Variants in F12 observed in about 807,000 individuals in gnomAD.
F12 encodes the protein Hageman factor.
F12 carries 70 observed loss-of-function variants against 74.8 expected under a neutral mutation model. The ratio of observed to expected loss-of-function variants is 0.94; its 90% confidence interval spans 0.77 to 1.14. The LOEUF (loss-of-function observed/expected upper bound fraction) is 1.14. F12 is among the 50% of genes most tolerant of loss of function. The pLI is 0.00. For missense variants in F12, 811 were observed against 835.7 expected (o/e 0.97, Z 0.36); for synonymous variants, 373 against 356.4 (o/e 1.05, Z -0.52).
rs4976692 is a variant in F12, at chr5:177,406,305, A to G, written c.116-244T>C. Among the ~76,000 whole-genome samples the G allele has an allele frequency of 0.28, 41,761 of 151,782 alleles. 6,063 individuals carry two copies. Among genetic ancestry groups the G allele is most frequent in the East Asian group, 0.49 (2,500 of 5,140 alleles). On this transcript the variant is annotated intron_variant, in intron 2 of 13. Coordinates refer to ENST00000253496, the MANE Select transcript of F12 (RefSeq NM_000505.4). ...AGATCAAGACCATCCTGGCTAATAC[A>G]GTGAAACCCCCTCTCTACTAAAAAT...
At chr5:177,405,845 C>A (rs1348473915) in intron 3 of F12, 40 bp from the exon 4 acceptor site, 1 of 1,607,740 alleles carries the variant, frequency 6.2e-7, no homozygotes, top group African/African-American at 1.3e-5. Flanking sequence ...TACCCAGGGG[C>A]CTGGCCCACC....
intron 8 of F12, 24 bp from the exon 9 acceptor site, chr5:177,404,437 G>T: frequency 6.2e-7 from 1 of 1,606,718 alleles, no homozygotes; most frequent in South Asian, 1.1e-5. Context: ...ACGGGGCGCC[G>T]TTAGAGCGCC....
intron 9 of F12, 35 bp downstream of exon 9, chr5:177,404,161 C>A: frequency 6.4e-7 from 1 of 1,570,046 alleles, no homozygotes. Context: ...GCCCGGCGCC[C>A]TCTCGGCTCC....
chr5:177,406,962 T>C (rs1763309625), intron 2 of F12, among the ~76,000 whole-genome samples: 1 of 152,344 alleles, frequency 6.6e-6, no homozygotes, highest in East Asian at 1.9e-4. Context: ...TTTCACACTT[T>C]GTGCTTTTGC....
chr5:177,403,441 C>G (rs772401083), intron 11 of F12, 40 bp downstream of exon 11: 1 of 1,564,910 alleles, frequency 6.4e-7, no homozygotes, highest in Non-Finnish European at 8.6e-7. Context: ...CGCCGGGGCC[C>G]CAAGCTCTCT....
Position 177,409,087 on chromosome 5 carries a change from G to A in F12, c.74C>T (p.Ala25Val). Residue 25 changes from alanine to valine, a missense_variant, in exon 2 of 14, where the codon GCC (alanine) becomes GTC (valine). By Grantham distance (64) the Ala-to-Val change is moderately conservative (BLOSUM62 0). Transcript: ENST00000253496. Reference sequence around the variant, plus strand: ...AGCTTTGTACTTATGCTCCTTGGGGGCTTCCCAAGGTGGAATCTACAAGGG... The same window carrying A: ...AGCTTTGTACTTATGCTCCTTGGGGACTTCCCAAGGTGGAATCTACAAGGG... ...ESTLSIPPWE[A>V]PKEHKYKAEE... The A allele has an allele frequency of 6.4e-7, 1 of 1,551,664 alleles. No individual in the cohort carries two copies. Among genetic ancestry groups the A allele is most frequent in the South Asian group, 1.2e-5 (1 of 84,064 alleles).
At chr5:177,404,726 G>T (rs1763242036) in intron 7 of F12, 62 bp from the exon 8 acceptor site, 3 of 1,600,364 alleles carry the variant, frequency 1.9e-6, no homozygotes, top group South Asian at 2.2e-5. Flanking sequence ...CCTCTCATCT[G>T]CTTTCCGCAC....
chr5:177,408,975 T>G, intron 2 of F12, 71 bp downstream of exon 2: 1 of 1,462,222 alleles, frequency 6.8e-7, no homozygotes, highest in Non-Finnish European at 9.4e-7. Context: ...TAGACTGCCC[T>G]GAGACTGCAC....
At chr5:177,402,901 A>G (rs904761582) in intron 12 of F12, 4 of 757,536 alleles carry the variant, frequency 5.3e-6, no homozygotes, top group Non-Finnish European at 8.5e-6. Context: ...GAATGGGCGG[A>G]GCGGAAACAG....
At chr5:177,404,124 C>G (rs1763219981) in intron 9 of F12, 34 bp from the exon 10 acceptor site, 3 of 1,589,930 alleles carry the variant, frequency 1.9e-6, no homozygotes, top group Non-Finnish European at 1.7e-6. Context: ...ACGGAGAGCC[C>G]GCGGCCGGCT....
chr5:177,402,724 C>A, intron 12 of F12, 26 bp from the exon 13 acceptor site: 1 of 1,610,334 alleles, frequency 6.2e-7, no homozygotes, highest in South Asian at 1.1e-5. Flanking sequence ...GCCTTCTTCA[C>A]ACCCCATCTG....
chr5:177,407,542 T>C (rs1228518717), intron 2 of F12, among the ~76,000 whole-genome samples: 1 of 152,164 alleles, frequency 6.6e-6, no homozygotes, highest in South Asian at 2.1e-4. Flanking sequence ...CCCAGCACTT[T>C]GGGAGGCTAA....
chr5:177,406,531 G>A (rs997820381), intron 2 of F12, among the ~76,000 whole-genome samples: 1 of 152,082 alleles, frequency 6.6e-6, no homozygotes, highest in Non-Finnish European at 1.5e-5. Context: ...CAGATAGCTG[G>A]AGTAGACTCC....
rs775443897 is a variant in F12 at position 177,402,547 on chromosome 5, C to T, written c.1680+3G>A. 1.2e-6 allele frequency: 2 copies of T among 1,610,388 alleles called. No individual in the cohort carries two copies. Among genetic ancestry groups the T allele is most frequent in the Non-Finnish European group, 1.7e-6 (2 of 1,178,752 alleles). ...AAGGGCGCCAACCGGGCTAAGAGCT[C>T]ACCTGGCACGCATCGGTGCCGCCCT... On this transcript the variant is annotated splice_donor_region_variant and intron_variant, in intron 13 of 13. Transcript: ENST00000253496.
intron 2 of F12, among the ~76,000 whole-genome samples, chr5:177,406,445 C>T (rs536136945): frequency 4.6e-5 from 7 of 151,920 alleles, no homozygotes; most frequent in Admixed American, 2.0e-4. Flanking sequence ...GCCGAGATCG[C>T]GCCACTGCAC....
chr5:177,406,259 C>A (rs533312981), intron 2 of F12, among the ~76,000 whole-genome samples, 198 bp from the exon 3 acceptor site: 3 of 152,108 alleles, frequency 2.0e-5, no homozygotes, highest in African/African-American at 7.2e-5. Flanking sequence ...GAGGCCAAGG[C>A]GGGCAGATCA....
Position 177,403,323 on chromosome 5 carries a change from G to T in F12, c.1462C>A (p.Pro488Thr), listed in dbSNP as rs749774889. ...TCGGAGGGTCGCGCGGCGCCGCTTGGCAGGCACACCGGCTGAACGTAAGGC... is the reference window on the plus strand; with the variant it reads ...TCGGAGGGTCGCGCGGCGCCGCTTGTCAGGCACACCGGCTGAACGTAAGGC... ...LSPYVQPVCL[P>T]SGAARPSETT... is the part of the protein sequence containing the mutation. The change falls in exon 12 of 14, where the codon CCA becomes ACA. Residue 488 changes from proline to threonine, a missense_variant. Coordinates refer to ENST00000253496, the MANE Select transcript of F12 (RefSeq NM_000505.4). The T allele has an allele frequency of 6.3e-7, 1 of 1,599,318 alleles. No homozygotes were observed. The highest frequency in any genetic ancestry group is 8.5e-7 in the Non-Finnish European group (1 of 1,179,740).
chr5:177,405,371 G>A lies in F12; in HGVS notation c.349C>T (p.Pro117Ser). The change falls in exon 5 of 14, where the codon CCC (proline) becomes TCC (serine). Residue 117 changes from proline (P) to serine (S), a missense_variant. Transcript: ENST00000253496. Reference sequence around the variant, plus strand: ...AGGTGTTGTGGACAGAGACAGTGGGGGCCGCTTGGCATGTTCACACAGGTC... The same window carrying A: ...AGGTGTTGTGGACAGAGACAGTGGGAGCCGCTTGGCATGTTCACACAGGTC... ...GGTCVNMPSG[P>S]HCLCPQHLTG... The A allele has an allele frequency of 6.2e-7, 1 of 1,614,182 alleles. No homozygotes were observed. Among genetic ancestry groups the A allele is most frequent in the South Asian group, 1.1e-5 (1 of 91,088 alleles).
At chr5:177,402,751 G>A in intron 12 of F12, 53 bp from the exon 13 acceptor site, 1 of 1,599,234 alleles carries the variant, frequency 6.3e-7, no homozygotes, top group Non-Finnish European at 8.5e-7. Flanking sequence ...CTTGCCGCCC[G>A]GACGATGGAC....
Sources: gnomAD v4.1 joint callset for allele counts (sites outside exome capture counted in the v4.1 genomes callset) on GRCh38, gnomAD v4.1.1 for gene constraint, MANE v1.5 for transcripts, NCBI Gene and HGNC (gene_info 2026-07-23, HGNC 2026-07-21) for gene names.